The following NCKAP5 variants were observed in gnomAD, a reference collection of about 807,000 sequenced individuals.
NCKAP5 encodes nck-associated protein 5.
Under a neutral mutation model 167.0 loss-of-function variants are expected in NCKAP5, and 92 were observed. That is an observed-to-expected ratio of 0.55 (90% confidence interval 0.47 to 0.66). The LOEUF is 0.66. Ranked by LOEUF, NCKAP5 falls within the 30% of genes least tolerant of loss-of-function variation. The pLI, the probability that NCKAP5 is intolerant of heterozygous loss-of-function variation, is 0.00. For synonymous variants in NCKAP5, 891 were observed against 877.4 expected (o/e 1.02, Z -0.27); for missense variants, 2,378 against 2,315.0 (o/e 1.03, Z -0.56).
intron 4 of NCKAP5, among the ~76,000 whole-genome samples, chr2:133,249,058 C>T (rs1307510299): frequency 6.6e-6 from 1 of 152,162 alleles, no homozygotes; most frequent in African/African-American, 2.4e-5. Flanking sequence ...CATTCCCTTC[C>T]CCCATCCCAC....
At chr2:133,012,192 G>T (rs72996818) in intron 6 of NCKAP5, among the ~76,000 whole-genome samples, 2,460 of 152,190 alleles carry the variant, frequency 0.016, 65 homozygotes, top group African/African-American at 0.055. Flanking sequence ...CTCAACAAAT[G>T]AACCTCAACA....
At chr2:133,605,164 T>C in the NCKAP5 span, among the ~76,000 whole-genome samples, 1 of 152,192 alleles carries the variant, frequency 6.6e-6, no homozygotes, top group Non-Finnish European at 1.5e-5. Flanking sequence ...TCTCACCAAA[T>C]AAGCTGGACT....
chr2:133,115,608 T>G (rs7561911), intron 6 of NCKAP5, among the ~76,000 whole-genome samples: 38,541 of 151,380 alleles, frequency 0.25, 5,797 homozygotes, highest in East Asian at 0.56. Flanking sequence ...TTCTATTCTT[T>G]TCCCATCCCA....
At chr2:132,721,188 A>T (rs888640494) in intron 19 of NCKAP5, among the ~76,000 whole-genome samples, 30 of 152,112 alleles carry the variant, frequency 2.0e-4, no homozygotes, top group Middle Eastern at 3.4e-3. Flanking sequence ...GGTGCCTGTA[A>T]TCCCAGCTAC....
At chr2:133,102,210 G>A (rs745639990) in intron 6 of NCKAP5, among the ~76,000 whole-genome samples, 2 of 151,988 alleles carry the variant, frequency 1.3e-5, no homozygotes, top group Non-Finnish European at 2.9e-5. Flanking sequence ...GCAGTGGCAC[G>A]ATCTCGGCTC....
At chr2:133,172,227 G>C (rs1258270505) in intron 5 of NCKAP5, among the ~76,000 whole-genome samples, 2 of 152,150 alleles carry the variant, frequency 1.3e-5, no homozygotes, top group Non-Finnish European at 2.9e-5. Context: ...GCACTATGCT[G>C]CTTCCTAAAT....
the NCKAP5 span, among the ~76,000 whole-genome samples, chr2:133,660,752 A>G: frequency 1.3e-5 from 2 of 152,100 alleles, no homozygotes; most frequent in Non-Finnish European, 2.9e-5. Flanking sequence ...CTGAGAAACT[A>G]GGATGGAATA....
intron 3 of NCKAP5, among the ~76,000 whole-genome samples, chr2:133,515,497 G>A (rs960352683): frequency 6.6e-6 from 1 of 152,180 alleles, no homozygotes; most frequent in African/African-American, 2.4e-5. Flanking sequence ...GACACAGGGA[G>A]ACTTAACAGG....
chr2:132,767,087 G>A (rs1011980380), intron 16 of NCKAP5, among the ~76,000 whole-genome samples: 13 of 152,062 alleles, frequency 8.5e-5, no homozygotes, highest in Admixed American at 6.5e-5. Context: ...CAAAAGTAGG[G>A]TTCTACCACA....
chr2:133,205,735 T>C (rs1390146158), intron 5 of NCKAP5, among the ~76,000 whole-genome samples: 1 of 152,110 alleles, frequency 6.6e-6, no homozygotes, highest in African/African-American at 2.4e-5. Flanking sequence ...TGGTATTCCA[T>C]CTTCCCTTCC....
chr2:133,283,561 T>C (rs2090002439), intron 4 of NCKAP5, among the ~76,000 whole-genome samples: 1 of 152,160 alleles, frequency 6.6e-6, no homozygotes, highest in East Asian at 1.9e-4. Flanking sequence ...ACAGTTCACA[T>C]TTTTCTAGAT....
chr2:133,235,365 T>G (rs1232515977), intron 4 of NCKAP5, among the ~76,000 whole-genome samples: 1 of 152,080 alleles, frequency 6.6e-6, no homozygotes, highest in Non-Finnish European at 1.5e-5. Context: ...ACTTTTTGCA[T>G]GTTTGTGCTT....
At chr2:133,536,966 G>GT (rs923179295) in intron 2 of NCKAP5, among the ~76,000 whole-genome samples, 6 of 151,636 alleles carry the variant, frequency 4.0e-5, no homozygotes, top group African/African-American at 9.7e-5. Flanking sequence ...CATTTTAAGG[G>GT]TTTTTTTGGT....
chr2:132,753,838 C>T (rs920681242), intron 16 of NCKAP5, among the ~76,000 whole-genome samples: 8 of 152,126 alleles, frequency 5.3e-5, no homozygotes, highest in African/African-American at 1.4e-4. Flanking sequence ...TCCCCTTCCA[C>T]GGGGCTTTAC....
chr2:133,426,356 A>G (rs773222587), intron 3 of NCKAP5, among the ~76,000 whole-genome samples: 2 of 151,678 alleles, frequency 1.3e-5, no homozygotes, highest in African/African-American at 4.8e-5. Flanking sequence ...AATCCAGAGG[A>G]AAATATATAG....
intron 19 of NCKAP5, among the ~76,000 whole-genome samples, chr2:132,687,458 T>C (rs1367939743): frequency 6.6e-6 from 1 of 152,148 alleles, no homozygotes; most frequent in Non-Finnish European, 1.5e-5. Flanking sequence ...GGGCTGGTGT[T>C]TCCTCTTTGC....
intron 5 of NCKAP5, among the ~76,000 whole-genome samples, chr2:133,153,480 A>AT (rs922517215): frequency 2.4e-4 from 37 of 152,136 alleles, no homozygotes; most frequent in African/African-American, 7.2e-4. Context: ...AAGACTACTG[A>AT]TTTTTTTTAA....
chr2:133,667,758 A>G, the NCKAP5 span, among the ~76,000 whole-genome samples: 3 of 152,150 alleles, frequency 2.0e-5, no homozygotes, highest in African/African-American at 7.2e-5. Flanking sequence ...GTTTCCTTCA[A>G]TAGCATTTTT....
At chr2:133,271,629 G>T (rs1255964872) in intron 4 of NCKAP5, among the ~76,000 whole-genome samples, 1 of 152,098 alleles carries the variant, frequency 6.6e-6, no homozygotes, top group Non-Finnish European at 1.5e-5. Context: ...TGTTCATAGA[G>T]AATTAAAAAA....
Sources: allele counts gnomAD v4.1 joint callset (sites outside exome capture counted in the v4.1 genomes callset), GRCh38; gene constraint gnomAD v4.1.1; transcripts MANE v1.5; gene names NCBI Gene and HGNC (gene_info 2026-07-23, HGNC 2026-07-21).